Variants in CDC14A observed in about 807,000 individuals in gnomAD.
The protein encoded by CDC14A is cell division cycle 14A.
In CDC14A, 53 loss-of-function variants were observed where a neutral mutation model predicts 74.4. That is an observed-to-expected ratio of 0.71 (90% confidence interval 0.57 to 0.89). The LOEUF (loss-of-function observed/expected upper bound fraction) is 0.89. Among genes scored for constraint, CDC14A ranks in the 40% least tolerant of loss-of-function variants. CDC14A has a pLI of 0.00. For synonymous variants in CDC14A, 247 were observed against 258.4 expected (o/e 0.96, Z 0.43); for missense variants, 646 against 713.7 (o/e 0.91, Z 1.08).
intron 2 of CDC14A, among the ~76,000 whole-genome samples, chr1:100,371,239 G>A (rs772902902): frequency 7.9e-5 from 12 of 152,052 alleles, no homozygotes; most frequent in Non-Finnish European, 1.5e-4. Flanking sequence ...TCATTATATC[G>A]TCAGTGGAAA....
chr1:100,516,694 C>G (rs972676975), intron 15 of CDC14A, among the ~76,000 whole-genome samples: 1 of 152,010 alleles, frequency 6.6e-6, no homozygotes, highest in Non-Finnish European at 1.5e-5. Flanking sequence ...GCTCTAATTG[C>G]GAGTGTGGTA....
intron 15 of CDC14A, chr1:100,499,577 C>G (rs887958476): frequency 1.6e-5 from 11 of 703,534 alleles, no homozygotes; most frequent in Non-Finnish European, 2.2e-5. Context: ...ACTTCAGTTA[C>G]TTTTCAGTTA....
intron 3 of CDC14A, 124 bp from the exon 4 acceptor site, chr1:100,390,608 G>A: frequency 1.6e-6 from 1 of 626,766 alleles, no homozygotes; most frequent in Non-Finnish European, 2.8e-6. Flanking sequence ...AGAAATTAAA[G>A]TTGAAAGTTG....
At chr1:100,397,997 G>T (rs898820742) in intron 4 of CDC14A, among the ~76,000 whole-genome samples, 4 of 152,236 alleles carry the variant, frequency 2.6e-5, no homozygotes, top group Admixed American at 6.5e-5. Context: ...TAGTGGTTGT[G>T]AGCAATGACT....
chr1:100,350,617 G>C (rs1351813219), upstream of CDC14A, among the ~76,000 whole-genome samples: 4 of 152,168 alleles, frequency 2.6e-5, no homozygotes, highest in African/African-American at 9.7e-5. Flanking sequence ...TGGCTTCTCT[G>C]AAAGTGTAGA....
intron 2 of CDC14A, among the ~76,000 whole-genome samples, chr1:100,363,548 A>G (rs998564922): frequency 8.6e-5 from 13 of 151,988 alleles, no homozygotes; most frequent in Admixed American, 5.9e-4. Context: ...TGTTAATTTA[A>G]TTTTTTGGTC....
chr1:100,405,461 G>A (rs1285283503), intron 4 of CDC14A, among the ~76,000 whole-genome samples: 1 of 152,108 alleles, frequency 6.6e-6, no homozygotes, highest in Admixed American at 6.5e-5. Context: ...GTGTCCCATG[G>A]TGGTTTGCTG....
intron 9 of CDC14A, among the ~76,000 whole-genome samples, chr1:100,466,483 A>G (rs185004086): frequency 2.7e-4 from 41 of 152,332 alleles, no homozygotes; most frequent in Admixed American, 2.7e-3. Flanking sequence ...TCGAAAGAAC[A>G]TTGATGTTTG....
Position 100,432,094 on chromosome 1 carries a change from G to GT in CDC14A, c.389+7800dup, listed in dbSNP as rs1468649037. ...GTTAAATCTGAAAAGCTGAGATTCT[G>GT]TTTTTTTGTTGTTGTTGTTGTTAGG... On this transcript the variant is annotated intron_variant, in intron 5 of 15. Coordinates refer to ENST00000336454, the MANE Select transcript of CDC14A (RefSeq NM_003672.4). 1.4e-3 allele frequency among the ~76,000 whole-genome samples: 210 copies of GT among 152,094 alleles called. 1 individual carries two copies. The highest frequency in any genetic ancestry group is 4.8e-3 in the African/African-American group (199 of 41,490).
At chr1:100,473,437 A>T (rs1668583710) in intron 10 of CDC14A, among the ~76,000 whole-genome samples, 1 of 151,640 alleles carries the variant, frequency 6.6e-6, no homozygotes, top group Non-Finnish European at 1.5e-5. Flanking sequence ...CCCAAGCTGG[A>T]GTCCAATGGC....
At chr1:100,398,894 G>A (rs778567309) in intron 4 of CDC14A, among the ~76,000 whole-genome samples, 21 of 152,144 alleles carry the variant, frequency 1.4e-4, no homozygotes, top group Non-Finnish European at 2.6e-4. Flanking sequence ...AGGCCAGGTT[G>A]CTGAGGAACC....
chr1:100,485,557 C>CCT (rs5776509), intron 11 of CDC14A, among the ~76,000 whole-genome samples: 8,198 of 151,360 alleles, frequency 0.054, 739 homozygotes, highest in African/African-American at 0.19. Flanking sequence ...AGCAAGCACC[C>CCT]GTCTAAAAAA....
chr1:100,465,765 C>T (rs72974077), intron 9 of CDC14A, among the ~76,000 whole-genome samples: 8,917 of 152,206 alleles, frequency 0.059, 887 homozygotes, highest in African/African-American at 0.2. Context: ...AAATTCTCTA[C>T]CACAAATAAT....
chr1:100,466,216 G>A (rs1467642777), intron 9 of CDC14A, among the ~76,000 whole-genome samples: 1 of 152,096 alleles, frequency 6.6e-6, no homozygotes, highest in African/African-American at 2.4e-5. Context: ...AGAGAGTGTT[G>A]TCTCCATAAG....
At chr1:100,489,441 C>T (rs1670390751) in intron 11 of CDC14A, among the ~76,000 whole-genome samples, 1 of 152,078 alleles carries the variant, frequency 6.6e-6, no homozygotes, top group African/African-American at 2.4e-5. Flanking sequence ...TACTGTGCCA[C>T]GATTTTGTTT....
intron 11 of CDC14A, among the ~76,000 whole-genome samples, chr1:100,491,548 C>CTCTCTCTCTCTA (rs1223420176): frequency 2.3e-4 from 9 of 38,760 alleles, no homozygotes; most frequent in East Asian, 1.2e-3. Flanking sequence ...CTCTCTCTCT[C>CTCTCTCTCTCTA]TATATATATA....
intron 6 of CDC14A, among the ~76,000 whole-genome samples, chr1:100,440,673 A>G (rs1407345480): frequency 6.6e-6 from 1 of 152,228 alleles, no homozygotes; most frequent in Non-Finnish European, 1.5e-5. Context: ...TACATATTAC[A>G]TAACCTATTG....
At position 100,352,564 on chromosome 1, in the gene CDC14A, C is replaced by G. The variant is rs914113054; in HGVS notation, c.-391C>G. 1.5e-5 allele frequency: 16 copies of G among 1,045,816 alleles called. 1 individual carries two copies. The African/African-American group carries it at 2.6e-4, about 17-fold the overall frequency. The allele number at this position is 1,045,816 out of a possible 1,614,324, so 64.8% of individuals were successfully genotyped here. On this transcript the variant is annotated 5_prime_UTR_variant, in exon 1 of 16. Coordinates refer to ENST00000336454, the MANE Select transcript of CDC14A (RefSeq NM_003672.4). ...CTCCCGGCTGCCGCTCGAGTAGCCA[C>G]GGGCGCGATCGGGACCAGAAGTCTC... is the stretch of plus-strand genomic sequence containing the variant.
chr1:100,349,452 ACAAC>A (rs1193966034), upstream of CDC14A, among the ~76,000 whole-genome samples: 1 of 152,242 alleles, frequency 6.6e-6, no homozygotes, highest in African/African-American at 2.4e-5. Context: ...TTATGAAACT[ACAAC>A]CAACAGGAAC....
Sources: gnomAD v4.1 joint callset for allele counts (sites outside exome capture counted in the v4.1 genomes callset) on GRCh38, gnomAD v4.1.1 for gene constraint, MANE v1.5 for transcripts, NCBI Gene and HGNC (gene_info 2026-07-23, HGNC 2026-07-21) for gene names.